Variants in NALCN observed in about 807,000 individuals in gnomAD.
NALCN encodes sodium leak channel NALCN.
Under a neutral mutation model 225.3 loss-of-function variants are expected in NALCN, and 111 were observed. That is an observed-to-expected ratio of 0.49 (90% CI 0.42 to 0.58). The LOEUF is 0.58. Among genes scored for constraint, NALCN ranks in the 20% least tolerant of loss-of-function variants. The probability of loss-of-function intolerance (pLI) is 0.00; values close to 1 mark genes in which losing one functional copy is unlikely to be tolerated. For missense variants in NALCN, 1,378 were observed against 2,202.4 expected, an observed-to-expected ratio of 0.63 and a Z score of 7.49; for synonymous variants, 764 against 769.0, an observed-to-expected ratio of 0.99 and a Z score of 0.11.
chr13:101,294,386 T>A (rs935466152), intron 7 of NALCN, among the ~76,000 whole-genome samples: 1 of 152,038 alleles, frequency 6.6e-6, no homozygotes, highest in Non-Finnish European at 1.5e-5. Context: ...ATCCTAAATA[T>A]CTTGATTTGA....
intron 13 of NALCN, among the ~76,000 whole-genome samples, chr13:101,197,182 T>C (rs578106673): frequency 2.0e-4 from 31 of 152,276 alleles, no homozygotes; most frequent in African/African-American, 6.7e-4. Context: ...GATTGGGGAA[T>C]TTGAGTATAC....
intron 34 of NALCN, among the ~76,000 whole-genome samples, chr13:101,077,818 G>T (rs547692518): frequency 6.6e-5 from 10 of 152,258 alleles, no homozygotes; most frequent in Non-Finnish European, 1.5e-4. Flanking sequence ...TGTCCCCAAG[G>T]GCATGCCAGA....
At chr13:101,090,324 C>A (rs996053371) in intron 28 of NALCN, among the ~76,000 whole-genome samples, 9 of 152,116 alleles carry the variant, frequency 5.9e-5, no homozygotes, top group African/African-American at 2.2e-4. Flanking sequence ...GAGGACTGGA[C>A]AGATGATTTT....
intron 6 of NALCN, among the ~76,000 whole-genome samples, chr13:101,370,317 A>G (rs1258005526): frequency 6.6e-6 from 1 of 152,232 alleles, no homozygotes; most frequent in Non-Finnish European, 1.5e-5. Flanking sequence ...CTCCGCATTT[A>G]GGCTCACAAT....
chr13:101,283,312 T>A (rs1487369260), intron 10 of NALCN, among the ~76,000 whole-genome samples: 1 of 152,140 alleles, frequency 6.6e-6, no homozygotes, highest in African/African-American at 2.4e-5. Flanking sequence ...AAGGAGTTTA[T>A]TGGGCCTTAT....
At chr13:101,155,716 T>C (rs1287771121) in intron 15 of NALCN, among the ~76,000 whole-genome samples, 1 of 152,104 alleles carries the variant, frequency 6.6e-6, no homozygotes, top group East Asian at 1.9e-4. Context: ...CTTTATCTCT[T>C]AGGAAGGAGG....
chr13:101,216,126 A>G (rs1024945903), intron 13 of NALCN, among the ~76,000 whole-genome samples: 3 of 152,126 alleles, frequency 2.0e-5, no homozygotes, highest in African/African-American at 7.2e-5. Context: ...CTGTCTGTAT[A>G]AAGAATGTAT....
rs866247627 is a variant in NALCN, at chr13:101,152,364, T to C, written c.1840-7468A>G. Reference sequence around the variant, plus strand: ...GCACTGGGCAATTAAGTGGCTGTTTTGTGTTTGTTGGTTTGGGAGCTCAGC... The same window carrying C: ...GCACTGGGCAATTAAGTGGCTGTTTCGTGTTTGTTGGTTTGGGAGCTCAGC... On this transcript the variant is annotated intron_variant, in intron 15 of 43. Coordinates refer to ENST00000251127, the MANE Select transcript of NALCN (RefSeq NM_052867.4). 3.3e-4 allele frequency among the ~76,000 whole-genome samples: 51 copies of C among 152,340 alleles called. 2 individuals carry two copies. Among genetic ancestry groups the C allele is most frequent in the African/African-American group, 1.2e-3 (50 of 41,588 alleles).
intron 10 of NALCN, among the ~76,000 whole-genome samples, chr13:101,270,570 G>T (rs2042744176): frequency 6.6e-6 from 1 of 152,118 alleles, no homozygotes; most frequent in Admixed American, 6.5e-5. Flanking sequence ...ATAATTTTGA[G>T]CTATGTAGAA....
intron 18 of NALCN, among the ~76,000 whole-genome samples, chr13:101,115,576 GAGA>G (rs1179953277): frequency 6.6e-6 from 1 of 152,160 alleles, no homozygotes; most frequent in African/African-American, 2.4e-5. Flanking sequence ...TACCCAGAAG[GAGA>G]AGAACTTGAA....
At chr13:101,065,213 C>T (rs1248260862) in intron 40 of NALCN, among the ~76,000 whole-genome samples, 191 bp downstream of exon 40, 2 of 152,234 alleles carry the variant, frequency 1.3e-5, no homozygotes, top group Non-Finnish European at 2.9e-5. Context: ...GAGGCACCTA[C>T]TTGGAAATGT....
chr13:101,335,239 T>G lies in NALCN; in HGVS notation c.799+10027A>C, dbSNP rs541839030. Among the ~76,000 whole-genome samples, 36 of 152,298 alleles carry G rather than the reference T, an allele frequency of 2.4e-4. 1 individual carries two copies. The highest frequency in any genetic ancestry group is 1.9e-3 in the Admixed American group (29 of 15,292). On this transcript the variant is annotated intron_variant, in intron 7 of 43. Transcript: ENST00000251127. ...AATGGACAACCTTATTTTTAAAAAGTCATGCCTGCAATTTCTGCCTTTAAA... is the reference window on the plus strand; with the variant it reads ...AATGGACAACCTTATTTTTAAAAAGGCATGCCTGCAATTTCTGCCTTTAAA...
At chr13:101,286,322 T>G (rs2043336998) in intron 9 of NALCN, among the ~76,000 whole-genome samples, 1 of 152,200 alleles carries the variant, frequency 6.6e-6, no homozygotes, top group Non-Finnish European at 1.5e-5. Context: ...TTCTTGCCCT[T>G]TTTTTGAAGC....
chr13:101,375,990 A>G (rs2046678620), intron 6 of NALCN, among the ~76,000 whole-genome samples: 1 of 152,162 alleles, frequency 6.6e-6, no homozygotes, highest in Non-Finnish European at 1.5e-5. Flanking sequence ...GCTCTATTGC[A>G]TAATACATAA....
intron 22 of NALCN, among the ~76,000 whole-genome samples, chr13:101,106,787 T>C (rs532691902): frequency 9.8e-5 from 15 of 152,324 alleles, no homozygotes; most frequent in African/African-American, 3.4e-4. Context: ...CACTTGGAAC[T>C]GTGAATCCAA....
At chr13:101,218,898 T>C (rs1411375943) in intron 13 of NALCN, among the ~76,000 whole-genome samples, 1 of 152,120 alleles carries the variant, frequency 6.6e-6, no homozygotes, top group African/African-American at 2.4e-5. Context: ...GTCTCAGATA[T>C]TTCTTTATAG....
rs548368138 is a variant in NALCN, at chr13:101,334,125, C to A, written c.799+11141G>T. 7.2e-5 allele frequency among the ~76,000 whole-genome samples: 11 copies of A among 152,178 alleles called. No individual in the cohort carries two copies. In the South Asian group the frequency reaches 2.3e-3, roughly 32 times the overall value. On this transcript the variant is annotated intron_variant, in intron 7 of 43. Transcript: ENST00000251127. ...GAGGCTCTGCTCCCACCTGAGACAA[C>A]TGGGTCTAATGAACGAATCCAGAAC...
Position 101,191,920 on chromosome 13 carries a change from A to C in NALCN, c.1761T>G (p.Thr587=), listed in dbSNP as rs541060102. 6.2e-7 allele frequency: 1 copy of C among 1,608,624 alleles called. No individual in the cohort carries two copies. Among genetic ancestry groups the C allele is most frequent in the African/African-American group, 1.3e-5 (1 of 74,386 alleles). The change falls in exon 14 of 44, where the codon ACT becomes ACG. Residue 587 remains threonine (T), a synonymous_variant. Transcript: ENST00000251127. ...GAAAAAAAAATGCTGAACTCACCAGAGTGGCAAAAAGATGATAGAGAATGA... is the reference window on the plus strand; with the variant it reads ...GAAAAAAAAATGCTGAACTCACCAGCGTGGCAAAAAGATGATAGAGAATGA... ...IYFILYHLFA[T]LILLSLFVAV...
At chr13:101,094,229 C>T (rs2034384941) in intron 28 of NALCN, among the ~76,000 whole-genome samples, 1 of 152,154 alleles carries the variant, frequency 6.6e-6, no homozygotes, top group African/African-American at 2.4e-5. Flanking sequence ...CTACTGGGCT[C>T]TCCAGGAACA....
Sources: allele counts gnomAD v4.1 joint callset (sites outside exome capture counted in the v4.1 genomes callset), GRCh38; gene constraint gnomAD v4.1.1; transcripts MANE v1.5; gene names NCBI Gene and HGNC (gene_info 2026-07-23, HGNC 2026-07-21).